The following MSI2 variants were observed in gnomAD, a reference collection of about 807,000 sequenced individuals.
MSI2 encodes the protein RNA-binding protein Musashi homolog 2.
In MSI2, 17 loss-of-function variants were observed where a neutral mutation model predicts 45.6. The ratio of observed to expected loss-of-function variants is 0.37; its 90% CI spans 0.26 to 0.56. The LOEUF is 0.56. MSI2 is among the 20% of genes least tolerant of loss of function. The pLI is 0.77. For missense variants in MSI2, 293 were observed against 444.2 expected, an observed-to-expected ratio of 0.66 and a Z score of 3.06; for synonymous variants, 156 against 158.2, an observed-to-expected ratio of 0.99 and a Z score of 0.11.
At chr17:57,372,531 C>G (rs867923542) in intron 5 of MSI2, among the ~76,000 whole-genome samples, 30 of 152,186 alleles carry the variant, frequency 2.0e-4, no homozygotes, top group Admixed American at 2.0e-3. Context: ...TTATAGTCAA[C>G]ATATTGATAT....
chr17:57,632,066 A>C, intron 10 of MSI2: 1 of 1,317,216 alleles, frequency 7.6e-7, no homozygotes, highest in Non-Finnish European at 9.6e-7. Context: ...TCTTGTATGC[A>C]TTGTGACCGA....
At chr17:57,617,556 C>T (rs1907836539) in intron 9 of MSI2, among the ~76,000 whole-genome samples, 2 of 152,120 alleles carry the variant, frequency 1.3e-5, no homozygotes, top group South Asian at 2.1e-4. Flanking sequence ...TTCCTTAGCT[C>T]CTCCTTTAAA....
chr17:57,385,819 C>T (rs923466590), intron 5 of MSI2, among the ~76,000 whole-genome samples: 6 of 152,220 alleles, frequency 3.9e-5, no homozygotes, highest in Non-Finnish European at 7.3e-5. Flanking sequence ...ACAAATTACC[C>T]TCAAATTTAG....
intron 5 of MSI2, among the ~76,000 whole-genome samples, chr17:57,302,887 G>A (rs773772042): frequency 3.9e-5 from 6 of 152,216 alleles, no homozygotes; most frequent in Non-Finnish European, 8.8e-5. Context: ...GCTTTGGGGA[G>A]GAGTTGGGGG....
At chr17:57,334,210 G>A (rs1914509540) in intron 5 of MSI2, among the ~76,000 whole-genome samples, 1 of 152,164 alleles carries the variant, frequency 6.6e-6, no homozygotes, top group Non-Finnish European at 1.5e-5. Flanking sequence ...TTTAGAAAAA[G>A]CCCCCTCGAA....
rs2086706935 is a variant in MSI2 at position 57,526,554 on chromosome 17, C to T, written c.406-3122C>T. 2.6e-5 allele frequency among the ~76,000 whole-genome samples: 4 copies of T among 152,004 alleles called. No homozygotes were observed. The South Asian group carries it at 8.3e-4, about 32-fold the overall frequency. On this transcript the variant is annotated intron_variant, in intron 6 of 13. Coordinates refer to ENST00000284073, the MANE Select transcript of MSI2 (RefSeq NM_138962.4). ...CGCTTCTGTTTGATTCACATAGAAC[C>T]GTGAGAAACAGTCTCGTATGTGAGA...
intron 6 of MSI2, among the ~76,000 whole-genome samples, chr17:57,499,359 G>A (rs2086049490): frequency 7.9e-6 from 1 of 126,630 alleles, no homozygotes; most frequent in East Asian, 2.4e-4. Context: ...CTGGGCAACA[G>A]AGTAAGATTC....
chr17:57,523,802 C>T (rs1598362818), intron 6 of MSI2, among the ~76,000 whole-genome samples: 2 of 152,280 alleles, frequency 1.3e-5, no homozygotes, highest in South Asian at 4.1e-4. Context: ...TATTCTGCCC[C>T]TTTTCTTTCC....
intron 5 of MSI2, among the ~76,000 whole-genome samples, chr17:57,301,576 A>G (rs1414783054): frequency 2.0e-5 from 3 of 152,172 alleles, no homozygotes; most frequent in Non-Finnish European, 2.9e-5. Context: ...TCACCCTTGT[A>G]TTAGAATACT....
At chr17:57,562,545 C>T (rs1317398101) in intron 7 of MSI2, among the ~76,000 whole-genome samples, 4 of 152,236 alleles carry the variant, frequency 2.6e-5, no homozygotes, top group Non-Finnish European at 5.9e-5. Flanking sequence ...TGGGTCCCAG[C>T]TCTCCAGCAG....
the MSI2 span, among the ~76,000 whole-genome samples, chr17:57,699,493 A>G: frequency 1.3e-5 from 2 of 151,928 alleles, no homozygotes; most frequent in African/African-American, 4.8e-5. Flanking sequence ...TGCCTCCCTC[A>G]AGTCTGAGAG....
At chr17:57,622,759 T>C (rs199602630) in intron 9 of MSI2, among the ~76,000 whole-genome samples, 382 of 152,272 alleles carry the variant, frequency 2.5e-3, no homozygotes, top group Non-Finnish European at 4.6e-3. Context: ...AAACCACATA[T>C]CTACACTCAA....
chr17:57,672,382 A>G (rs1482322209), intron 11 of MSI2, among the ~76,000 whole-genome samples: 1 of 152,238 alleles, frequency 6.6e-6, no homozygotes, highest in African/African-American at 2.4e-5. Context: ...GTTGCCAAGG[A>G]TGGGCATAAT....
intron 6 of MSI2, among the ~76,000 whole-genome samples, chr17:57,525,266 C>CT (rs780953545): frequency 3.9e-5 from 6 of 151,966 alleles, no homozygotes; most frequent in Non-Finnish European, 7.4e-5. Context: ...CTTTACTTTG[C>CT]TTTTTTGGGG....
chr17:57,680,480 A>G lies in MSI2; in HGVS notation c.*963A>G, dbSNP rs893201615. Reference sequence around the variant, plus strand: ...GCGGGAAGGGAACGTTGGCCAAGTCAGTTACTGAGATGAAGATCGCCCAGC... The same window carrying G: ...GCGGGAAGGGAACGTTGGCCAAGTCGGTTACTGAGATGAAGATCGCCCAGC... On this transcript the variant is annotated 3_prime_UTR_variant, in exon 14 of 14. Transcript: ENST00000284073. 1.7e-5 allele frequency: 4 copies of G among 229,116 alleles called. No individual in the cohort carries two copies. Among genetic ancestry groups the G allele is most frequent in the Non-Finnish European group, 3.5e-5 (4 of 115,562 alleles). The allele number at this position is 229,116 out of a possible 1,614,324, so 14.2% of individuals were successfully genotyped here.
chr17:57,642,985 A>C (rs748734227), intron 10 of MSI2, among the ~76,000 whole-genome samples: 1 of 152,154 alleles, frequency 6.6e-6, no homozygotes, highest in Non-Finnish European at 1.5e-5. Flanking sequence ...CGCAGGACAC[A>C]AACTACCTAC....
At chr17:57,442,718 C>G (rs1460236054) in intron 6 of MSI2, among the ~76,000 whole-genome samples, 1 of 152,158 alleles carries the variant, frequency 6.6e-6, no homozygotes, top group East Asian at 1.9e-4. Context: ...GGGGTGGGAG[C>G]GAGGGAGGCG....
At chr17:57,693,407 C>G in the MSI2 span, among the ~76,000 whole-genome samples, 1 of 106,780 alleles carries the variant, frequency 9.4e-6, no homozygotes, top group African/African-American at 4.3e-5. Flanking sequence ...GTCTCACACT[C>G]CTGGCCCACC....
At chr17:57,307,350 G>C (rs1201357211) in intron 5 of MSI2, among the ~76,000 whole-genome samples, 1 of 152,160 alleles carries the variant, frequency 6.6e-6, no homozygotes, top group Non-Finnish European at 1.5e-5. Flanking sequence ...GTTTTCCCAG[G>C]AAGAAGCAAT....
Sources: allele counts gnomAD v4.1 joint callset (sites outside exome capture counted in the v4.1 genomes callset), GRCh38; gene constraint gnomAD v4.1.1; transcripts MANE v1.5; gene names NCBI Gene and HGNC (gene_info 2026-07-23, HGNC 2026-07-21).